The following PMF1 variants were observed in gnomAD, a reference collection of about 807,000 sequenced individuals.
PMF1 encodes polyamine modulated factor 1.
A neutral mutation model predicts 26.7 loss-of-function variants in PMF1; 21 were observed. The observed-to-expected ratio is 0.79, with a 90% CI of 0.56 to 1.13. The LOEUF is 1.13. Ranked by LOEUF, PMF1 falls within the 50% of genes most tolerant of loss-of-function variation. PMF1 has a pLI of 0.00. For missense variants in PMF1, 266 were observed against 254.9 expected (o/e 1.04, Z -0.30); for synonymous variants, 105 against 101.0 (o/e 1.04, Z -0.24).
In PMF1 at chr1:156,239,700, G is replaced by A; in HGVS notation, c.*99G>A. 1.1e-6 allele frequency: 1 copy of A among 937,808 alleles called. No homozygotes were observed. The highest frequency in any genetic ancestry group is 1.7e-6 in the Non-Finnish European group (1 of 577,590). 58.1% of individuals were successfully genotyped at this position (937,808 alleles called of 1,614,324 possible). A position where few individuals can be genotyped will look rare whatever the true frequency, so the allele number is the denominator to read the frequency against. ...GGCTACCTCTGAGAACGGCTGAAAT[G>A]GTGCCCAGTCCATCAGCAGTGATGG... On this transcript the variant is annotated 3_prime_UTR_variant, in exon 5 of 5. Transcript: ENST00000368277.
intron 1 of PMF1, among the ~76,000 whole-genome samples, chr1:156,217,652 G>A (rs1287480636): frequency 6.6e-6 from 1 of 151,900 alleles, no homozygotes; most frequent in Non-Finnish European, 1.5e-5. Flanking sequence ...CTTGAACCCA[G>A]GAGGCGGGGA....
At chr1:156,213,198 T>C (rs1394130286) in intron 1 of PMF1, 22 bp downstream of exon 1, 7 of 1,608,150 alleles carry the variant, frequency 4.4e-6, no homozygotes, top group South Asian at 2.2e-5. Flanking sequence ...GCAGCCGCGG[T>C]GGGAGTGTTT....
intron 1 of PMF1, chr1:156,224,008 C>G (rs1007311229): frequency 2.0e-5 from 3 of 152,168 alleles, no homozygotes; most frequent in Non-Finnish European, 4.4e-5. Flanking sequence ...TAATATTTAT[C>G]AAACCACAAA....
At chr1:156,238,070 C>T (rs1659138534) in intron 4 of PMF1, among the ~76,000 whole-genome samples, 1 of 152,172 alleles carries the variant, frequency 6.6e-6, no homozygotes, top group African/African-American at 2.4e-5. Flanking sequence ...ACACCTTTGC[C>T]GACAATCAGT....
rs1659242021 is a variant in PMF1, at chr1:156,239,761, T to C, written c.*160T>C. 1.6e-6 allele frequency: 1 copy of C among 618,564 alleles called. No homozygotes were observed. The highest frequency in any genetic ancestry group is 1.8e-5 in the African/African-American group (1 of 54,422). The allele number at this position is 618,564 out of a possible 1,614,324, so 38.3% of individuals were successfully genotyped here. On this transcript the variant is annotated 3_prime_UTR_variant, in exon 5 of 5. Coordinates refer to ENST00000368277, the MANE Select transcript of PMF1 (RefSeq NM_007221.4). Reference sequence around the variant, plus strand: ...AGGACTAGGCCAGAGCAAGCCTCACTGCCACTGTGCCTTTGGGGCACCCTT... The same window carrying C: ...AGGACTAGGCCAGAGCAAGCCTCACCGCCACTGTGCCTTTGGGGCACCCTT...
chr1:156,213,366 G>A (rs149533750), intron 1 of PMF1, among the ~76,000 whole-genome samples, 190 bp downstream of exon 1: 183 of 152,348 alleles, frequency 1.2e-3, no homozygotes, highest in African/African-American at 4.1e-3. Flanking sequence ...ACCTGTAGCG[G>A]ACCGGGATAG....
chr1:156,233,836 A>G, intron 3 of PMF1, 108 bp downstream of exon 3: 2 of 1,091,958 alleles, frequency 1.8e-6, no homozygotes, highest in South Asian at 1.6e-5. Context: ...GGCTGGTCAC[A>G]AACTCCTGGC....
intron 1 of PMF1, among the ~76,000 whole-genome samples, chr1:156,231,564 G>A (rs182379541): frequency 7.2e-5 from 11 of 152,044 alleles, no homozygotes; most frequent in East Asian, 3.9e-4. Flanking sequence ...TTAGCCAGGC[G>A]TGGTGGCGGG....
At chr1:156,232,579 C>T (rs1339372157) in intron 2 of PMF1, among the ~76,000 whole-genome samples, 154 bp downstream of exon 2, 3 of 152,198 alleles carry the variant, frequency 2.0e-5, no homozygotes, top group Admixed American at 6.5e-5. Flanking sequence ...TCCATCGTCA[C>T]TCCCCTCCAA....
chr1:156,213,952 C>T (rs1317185116), intron 1 of PMF1, among the ~76,000 whole-genome samples: 1 of 152,116 alleles, frequency 6.6e-6, no homozygotes, highest in African/African-American at 2.4e-5. Flanking sequence ...CTCGTCCTGT[C>T]GCCCAGGCTG....
chr1:156,234,256 G>A (rs2251847), intron 3 of PMF1, among the ~76,000 whole-genome samples: 57,310 of 151,462 alleles, frequency 0.38, 11,076 homozygotes, highest in African/African-American at 0.46. Flanking sequence ...GGTAAGCCAT[G>A]TTGTTGAGGG....
At chr1:156,225,367 C>T (rs1356096547) in intron 1 of PMF1, among the ~76,000 whole-genome samples, 1 of 136,962 alleles carries the variant, frequency 7.3e-6, no homozygotes, top group African/African-American at 2.7e-5. Flanking sequence ...AGTTCTTTAG[C>T]GGTGATTTCC....
At chr1:156,237,730 A>G (rs762026594) in intron 4 of PMF1, among the ~76,000 whole-genome samples, 6 of 149,552 alleles carry the variant, frequency 4.0e-5, no homozygotes, top group Non-Finnish European at 7.4e-5. Context: ...TACAGACTTG[A>G]GCCACCACAC....
intron 1 of PMF1, among the ~76,000 whole-genome samples, chr1:156,227,163 C>T (rs1408402276): frequency 2.0e-5 from 3 of 152,130 alleles, no homozygotes; most frequent in Non-Finnish European, 4.4e-5. Flanking sequence ...TTATAATTTG[C>T]GTAAAAAGAT....
At chr1:156,229,188 G>A (rs902302971) in intron 1 of PMF1, among the ~76,000 whole-genome samples, 2 of 152,058 alleles carry the variant, frequency 1.3e-5, no homozygotes, top group African/African-American at 2.4e-5. Flanking sequence ...GAATACAGGC[G>A]TGAGCCACCG....
chr1:156,232,233 T>C, intron 1 of PMF1, 87 bp from the exon 2 acceptor site: 1 of 1,153,662 alleles, frequency 8.7e-7, no homozygotes, highest in South Asian at 1.3e-5. Flanking sequence ...CTCAGAGTCC[T>C]GTAATGCGAA....
In PMF1 at chr1:156,232,445, G is replaced by A; in HGVS notation, c.267+20G>A. Reference sequence around the variant, plus strand: ...ATCCGGGTGAGTGGCGGGAAGCCTGGCAGGTGCTGTTGACTTGGGTTCTGT... The same window carrying A: ...ATCCGGGTGAGTGGCGGGAAGCCTGACAGGTGCTGTTGACTTGGGTTCTGT... On this transcript the variant is annotated intron_variant, in intron 2 of 4. Transcript: ENST00000368277. 6.2e-7 allele frequency: 1 copy of A among 1,611,930 alleles called. No homozygotes were observed. Among genetic ancestry groups the A allele is most frequent in the Non-Finnish European group, 8.5e-7 (1 of 1,178,296 alleles).
chr1:156,231,032 G>A (rs964536047), intron 1 of PMF1, among the ~76,000 whole-genome samples: 5 of 151,966 alleles, frequency 3.3e-5, no homozygotes. Flanking sequence ...TAGCTAACAC[G>A]GTGAAACCCC....
At chr1:156,237,446 CTTT>C (rs33952725) in intron 4 of PMF1, among the ~76,000 whole-genome samples, 4 of 123,382 alleles carry the variant, frequency 3.2e-5, no homozygotes, top group Non-Finnish European at 4.9e-5. Context: ...TATTTTTTGT[CTTT>C]TTTTTTTTTT....
Sources: allele counts gnomAD v4.1 joint callset (sites outside exome capture counted in the v4.1 genomes callset), GRCh38; gene constraint gnomAD v4.1.1; transcripts MANE v1.5; gene names NCBI Gene and HGNC (gene_info 2026-07-23, HGNC 2026-07-21).